PLEKHA5: variants seen among roughly 807,000 people sequenced by gnomAD.
The protein encoded by PLEKHA5 is pleckstrin homology domain containing A5.
PLEKHA5 carries 55 observed loss-of-function variants against 181.9 expected under a neutral mutation model. The ratio of observed to expected loss-of-function variants is 0.30; its 90% CI spans 0.24 to 0.38. The LOEUF (loss-of-function observed/expected upper bound fraction) is 0.38, where lower values mean the gene tolerates loss of function less well. Among genes scored for constraint, PLEKHA5 ranks in the 10% least tolerant of loss-of-function variants. The pLI is 1.00. For synonymous variants in PLEKHA5, 535 were observed against 529.4 expected (o/e 1.01, Z -0.15); for missense variants, 1,432 against 1,549.5 (o/e 0.92, Z 1.27).
chr12:19,340,945 TAA>T (rs58915493), intron 21 of PLEKHA5, among the ~76,000 whole-genome samples: 16,538 of 62,686 alleles, frequency 0.26, 1,471 homozygotes, highest in Admixed American at 0.36. Flanking sequence ...GAATGATCAA[TAA>T]AAAAAAAAAA....
intron 3 of PLEKHA5, among the ~76,000 whole-genome samples, chr12:19,142,270 G>C (rs1438365937): frequency 6.6e-6 from 1 of 152,152 alleles, no homozygotes; most frequent in Non-Finnish European, 1.5e-5. Flanking sequence ...CCAGGAGGCT[G>C]AGGCAGAAGG....
intron 3 of PLEKHA5, among the ~76,000 whole-genome samples, chr12:19,191,571 G>T (rs1009764327): frequency 7.2e-5 from 11 of 152,160 alleles, no homozygotes; most frequent in African/African-American, 2.7e-4. Context: ...AATAAGATAC[G>T]TTGTAACCTA....
At chr12:19,261,419 A>G (rs1041392061) in intron 7 of PLEKHA5, among the ~76,000 whole-genome samples, 1 of 152,208 alleles carries the variant, frequency 6.6e-6, no homozygotes, top group Admixed American at 6.5e-5. Flanking sequence ...GACTACTATT[A>G]TGTAATGGCA....
intron 3 of PLEKHA5, among the ~76,000 whole-genome samples, chr12:19,155,314 T>C (rs2041425944): frequency 6.6e-6 from 1 of 152,222 alleles, no homozygotes; most frequent in Non-Finnish European, 1.5e-5. Context: ...AAAACACTCC[T>C]ATTATATGCT....
At chr12:19,336,911 C>G (rs188204606) in intron 21 of PLEKHA5, among the ~76,000 whole-genome samples, 107 of 151,922 alleles carry the variant, frequency 7.0e-4, no homozygotes, top group African/African-American at 2.5e-3. Context: ...TTTCACAGGT[C>G]CATCTGTGTC....
intron 3 of PLEKHA5, among the ~76,000 whole-genome samples, chr12:19,172,021 G>A (rs1228659028): frequency 1.3e-5 from 2 of 152,118 alleles, no homozygotes; most frequent in East Asian, 1.9e-4. Context: ...CCTGCCTGAG[G>A]CTGTTTACAG....
At chr12:19,189,183 T>C (rs1465297855) in intron 3 of PLEKHA5, among the ~76,000 whole-genome samples, 1 of 152,202 alleles carries the variant, frequency 6.6e-6, no homozygotes, top group Non-Finnish European at 1.5e-5. Flanking sequence ...CCCCTAGCCA[T>C]GGCTGGTGAG....
chr12:19,211,762 G>A (rs2056950322), intron 3 of PLEKHA5, among the ~76,000 whole-genome samples: 1 of 152,192 alleles, frequency 6.6e-6, no homozygotes, highest in Non-Finnish European at 1.5e-5. Flanking sequence ...GAGCTGAGCA[G>A]AGGAGGTTGG....
chr12:19,231,873 A>T (rs2060679969), intron 3 of PLEKHA5, among the ~76,000 whole-genome samples: 1 of 152,128 alleles, frequency 6.6e-6, no homozygotes, highest in East Asian at 1.9e-4. Flanking sequence ...ATGAAAATGT[A>T]AAGATTCCAT....
intron 29 of PLEKHA5, among the ~76,000 whole-genome samples, chr12:19,363,260 T>C (rs1592644021): frequency 6.6e-6 from 1 of 151,868 alleles, no homozygotes; most frequent in South Asian, 2.1e-4. Flanking sequence ...CAAGCAATTC[T>C]CCTGCCTCAG....
intron 18 of PLEKHA5, 26 bp from the exon 19 acceptor site, chr12:19,322,284 A>G (rs778582647): frequency 2.0e-6 from 3 of 1,507,146 alleles, no homozygotes; most frequent in Non-Finnish European, 2.8e-6. Context: ...AAAATTGCTA[A>G]CAAGACATCT....
rs66531923 is a variant in PLEKHA5 at position 19,269,395 on chromosome 12, GAAAA to G, written c.712-363_712-360del. Among the ~76,000 whole-genome samples the G allele has an allele frequency of 3.8e-5, 4 of 105,852 alleles. No homozygotes were observed. In the South Asian group the frequency reaches 1.3e-3, roughly 34 times the overall value. 69.4% of individuals were successfully genotyped at this position (105,852 alleles called of 152,430 possible). A position where few individuals can be genotyped will look rare whatever the true frequency, so the allele number is the denominator to read the frequency against. On this transcript the variant is annotated intron_variant, in intron 8 of 31. Coordinates refer to ENST00000429027, the MANE Select transcript of PLEKHA5 (RefSeq NM_001256470.2). ...GAGTGAGACTCTGTCTCAAAAAAAA[GAAAA>G]AAAAAAAAAAAGGTGTGAATTGCAG...
chr12:19,154,543 C>T (rs191582570), intron 3 of PLEKHA5: 38 of 152,148 alleles, frequency 2.5e-4, no homozygotes, highest in African/African-American at 8.2e-4. Context: ...AGAAATTATT[C>T]GGGAAAATGC....
chr12:19,341,443 A>C (rs2093918914), intron 21 of PLEKHA5, among the ~76,000 whole-genome samples: 1 of 152,154 alleles, frequency 6.6e-6, no homozygotes, highest in Admixed American at 6.6e-5. Context: ...TGTTGTATAT[A>C]GATGTGCAAG....
chr12:19,339,018 A>C (rs1269695168), intron 21 of PLEKHA5, among the ~76,000 whole-genome samples: 1 of 152,008 alleles, frequency 6.6e-6, no homozygotes, highest in Admixed American at 6.6e-5. Flanking sequence ...CATATTATTT[A>C]ATGTTTTTTG....
At chr12:19,222,941 G>A (rs1592116933) in intron 3 of PLEKHA5, among the ~76,000 whole-genome samples, 2 of 150,118 alleles carry the variant, frequency 1.3e-5, no homozygotes, top group African/African-American at 2.4e-5. Flanking sequence ...ATATTATTAA[G>A]TAAGCATTTG....
chr12:19,204,675 G>C (rs2054981120), intron 3 of PLEKHA5, among the ~76,000 whole-genome samples: 1 of 152,076 alleles, frequency 6.6e-6, no homozygotes. Context: ...GGTGATGTAT[G>C]ATCTATAAAT....
At chr12:19,311,539 G>A (rs932582053) in intron 15 of PLEKHA5, among the ~76,000 whole-genome samples, 1 of 151,292 alleles carries the variant, frequency 6.6e-6, no homozygotes, top group Non-Finnish European at 1.5e-5. Context: ...TAAATGCTTT[G>A]TTGTCAACAA....
At chr12:19,360,363 T>G (rs1360392745) in intron 28 of PLEKHA5, among the ~76,000 whole-genome samples, 2 of 151,580 alleles carry the variant, frequency 1.3e-5, no homozygotes, top group African/African-American at 4.9e-5. Context: ...TCCCAGCACT[T>G]TGGAGGCCAA....
Sources: gnomAD v4.1 joint callset for allele counts (sites outside exome capture counted in the v4.1 genomes callset) on GRCh38, gnomAD v4.1.1 for gene constraint, MANE v1.5 for transcripts, NCBI Gene and HGNC (gene_info 2026-07-23, HGNC 2026-07-21) for gene names.